HHIPL1: variants seen among roughly 807,000 people sequenced by gnomAD.
HHIPL1 encodes HHIP like 1, also known as HHIP-like protein 1.
In HHIPL1, 43 loss-of-function variants were observed where a neutral mutation model predicts 61.8. The ratio of observed to expected loss-of-function variants is 0.70; its 90% CI spans 0.55 to 0.90. HHIPL1 has a LOEUF of 0.90. Among genes scored for constraint, HHIPL1 ranks in the 40% least tolerant of loss-of-function variants. The pLI is 0.00. For missense variants in HHIPL1, 1,056 were observed against 1,157.7 expected (o/e 0.91, Z 1.28); for synonymous variants, 482 against 515.8 (o/e 0.93, Z 0.89).
intron 1 of HHIPL1, 103 bp downstream of exon 1, chr14:99,645,565 A>G (rs1159707536): frequency 8.6e-7 from 1 of 1,158,706 alleles, no homozygotes; most frequent in African/African-American, 1.6e-5. Context: ...TGGGCGGCGG[A>G]CTCGGGAACT....
chr14:99,630,922 T>A, the HHIPL1 span, among the ~76,000 whole-genome samples: 34 of 152,308 alleles, frequency 2.2e-4, no homozygotes, highest in African/African-American at 7.5e-4. Flanking sequence ...TTCCCCTGCA[T>A]GTGGCCTTCT....
upstream of HHIPL1, among the ~76,000 whole-genome samples, chr14:99,640,874 CTTCTTTTT>C: frequency 1.1e-5 from 1 of 93,972 alleles, no homozygotes; most frequent in African/African-American, 4.2e-5. Flanking sequence ...TTTACTTCTT[CTTCTTTTT>C]TTTTTTTTTT....
chr14:99,655,852 T>C (rs566791811), intron 2 of HHIPL1, among the ~76,000 whole-genome samples: 6 of 152,356 alleles, frequency 3.9e-5, no homozygotes, highest in Non-Finnish European at 8.8e-5. Context: ...CTTTGTGCTG[T>C]GGACTTTGCT....
chr14:99,643,640 G>A (rs574462189), upstream of HHIPL1, among the ~76,000 whole-genome samples: 1 of 152,310 alleles, frequency 6.6e-6, no homozygotes, highest in East Asian at 1.9e-4. Flanking sequence ...CGTGCCCTCC[G>A]ATTCCATCCT....
upstream of HHIPL1, chr14:99,645,040 C>T (rs1043114900): frequency 2.6e-4 from 137 of 520,960 alleles, no homozygotes; most frequent in Non-Finnish European, 3.8e-4. Context: ...TTCCTTCAGT[C>T]CCGCCGAGTG....
Position 99,680,503 on chromosome 14 carries a change from G to A in HHIPL1, c.*4877G>A, listed in dbSNP as rs944216405. On this transcript the variant is annotated 3_prime_UTR_variant, in exon 9 of 9. Coordinates refer to ENST00000330710, the MANE Select transcript of HHIPL1 (RefSeq NM_001127258.3). ...TGGTGCTATCCAATAGAAACATAAT[G>A]TGAGCCAAATAGGTAATTTAAAATC... 22 of 152,152 alleles carry A rather than the reference G, an allele frequency of 1.4e-4. No individual in the cohort carries two copies. Among genetic ancestry groups the A allele is most frequent in the Non-Finnish European group, 2.9e-4 (20 of 68,038 alleles). The allele number at this position is 152,152 out of a possible 1,614,324, so 9.4% of individuals were successfully genotyped here.
chr14:99,632,988 G>T, the HHIPL1 span, among the ~76,000 whole-genome samples: 15 of 130,510 alleles, frequency 1.1e-4, no homozygotes, highest in Admixed American at 1.1e-3. Flanking sequence ...ATGGAGCTGA[G>T]ACTCAGACCC....
At position 99,672,361 on chromosome 14, in the gene HHIPL1, A is replaced by G; in HGVS notation, c.1775A>G (p.Lys592Arg). 7.7e-6 allele frequency: 12 copies of G among 1,551,276 alleles called. No homozygotes were observed. The highest frequency in any genetic ancestry group is 1.0e-5 in the Non-Finnish European group (12 of 1,146,934). Residue 592 changes from lysine to arginine, a missense_variant, in exon 8 of 9, where the codon AAG becomes AGG. Transcript: ENST00000330710. ...TGTCAGATCCAGCCTGCTCAGGTGAAGATCAGAAGCCGTCTCATCCCCTTT... is the reference window on the plus strand; with the variant it reads ...TGTCAGATCCAGCCTGCTCAGGTGAGGATCAGAAGCCGTCTCATCCCCTTT... ...GKCQIQPAQV[K>R]IRSRLIPFVP...
intron 7 of HHIPL1, 139 bp from the exon 8 acceptor site, chr14:99,672,178 G>T: frequency 1.5e-6 from 1 of 653,686 alleles, no homozygotes; most frequent in East Asian, 2.8e-5. Context: ...CAGGGAAGCT[G>T]CAGGCCACAC....
chr14:99,668,765 A>G lies in HHIPL1; in HGVS notation c.1730+462A>G. ...GTGCCTGCCCTTCCTCCTGTGGTCC[A>G]TCTTCCACTGGGGAAAACACATTGG... is the stretch of plus-strand genomic sequence containing the variant. On this transcript the variant is annotated intron_variant, in intron 7 of 8. Coordinates refer to ENST00000330710, the MANE Select transcript of HHIPL1 (RefSeq NM_001127258.3). This position sits in a 1 kb window ranked among gnomAD's most constrained non-coding sequence, Gnocchi z 4.7. 2 of 1,571,966 alleles carry G rather than the reference A, an allele frequency of 1.3e-6. No homozygotes were observed. The highest frequency in any genetic ancestry group is 1.7e-5 in the Admixed American group (1 of 58,724).
chr14:99,661,468 T>C (rs7159011), intron 5 of HHIPL1, among the ~76,000 whole-genome samples: 25,420 of 105,746 alleles, frequency 0.24, 2,468 homozygotes, highest in East Asian at 0.38. Flanking sequence ...GCTTAATATA[T>C]GGTGATTTTT....
chr14:99,620,319 AC>A, the HHIPL1 span, among the ~76,000 whole-genome samples: 1 of 152,184 alleles, frequency 6.6e-6, no homozygotes, highest in Non-Finnish European at 1.5e-5. Flanking sequence ...CTTCCAGACA[AC>A]GAAGGGCTTC....
chr14:99,618,172 G>A, the HHIPL1 span, among the ~76,000 whole-genome samples: 1 of 152,174 alleles, frequency 6.6e-6, no homozygotes, highest in Non-Finnish European at 1.5e-5. Flanking sequence ...AGCAGGTGGG[G>A]GTTGCCCTAG....
Position 99,678,881 on chromosome 14 carries a change from CACTT to C in HHIPL1, c.*3258_*3261del, listed in dbSNP as rs1274798861. 2.6e-5 allele frequency: 4 copies of C among 152,218 alleles called. No homozygotes were observed. Among genetic ancestry groups the C allele is most frequent in the Non-Finnish European group, 4.4e-5 (3 of 68,042 alleles). 9.4% of individuals were successfully genotyped at this position (152,218 alleles called of 1,614,324 possible). A position where few individuals can be genotyped will look rare whatever the true frequency, so the allele number is the denominator to read the frequency against. On this transcript the variant is annotated 3_prime_UTR_variant, in exon 9 of 9. Coordinates refer to ENST00000330710, the MANE Select transcript of HHIPL1 (RefSeq NM_001127258.3). Reference sequence around the variant, plus strand: ...CTTTAAAAGAAACCATTATTTCTAACACTTACGATTTATTCTTTAACAAGAAGGG... The same window carrying C: ...CTTTAAAAGAAACCATTATTTCTAACACGATTTATTCTTTAACAAGAAGGG...
At chr14:99,667,123 A>G (rs1304321715) in intron 6 of HHIPL1, among the ~76,000 whole-genome samples, 1 of 151,448 alleles carries the variant, frequency 6.6e-6, no homozygotes, top group African/African-American at 2.5e-5. Flanking sequence ...GCTCTCTGCT[A>G]TCCTTTTACA....
At chr14:99,659,347 G>C in intron 3 of HHIPL1, 81 bp from the exon 4 acceptor site, 1 of 1,161,084 alleles carries the variant, frequency 8.6e-7, no homozygotes. Flanking sequence ...GTCAGCCGGC[G>C]CCCCAGCACC....
At chr14:99,608,183 G>A in the HHIPL1 span, among the ~76,000 whole-genome samples, 1 of 152,120 alleles carries the variant, frequency 6.6e-6, no homozygotes, top group African/African-American at 2.4e-5. Context: ...GGAACAGCAG[G>A]GTGGGGAAAG....
upstream of HHIPL1, among the ~76,000 whole-genome samples, chr14:99,644,944 C>A (rs2055803290): frequency 6.6e-6 from 1 of 152,170 alleles, no homozygotes; most frequent in African/African-American, 2.4e-5. Context: ...GGAAAACACA[C>A]CGGGGCTTTA....
chr14:99,628,793 C>T, the HHIPL1 span, among the ~76,000 whole-genome samples: 1 of 152,080 alleles, frequency 6.6e-6, no homozygotes, highest in East Asian at 1.9e-4. Context: ...GGCCTCAGCT[C>T]TCTTCCCCTC....
Sources: allele counts gnomAD v4.1 joint callset (sites outside exome capture counted in the v4.1 genomes callset), GRCh38; gene constraint gnomAD v4.1.1; non-coding constraint Gnocchi (gnomAD v3.1); transcripts MANE v1.5; gene names NCBI Gene and HGNC (gene_info 2026-07-23, HGNC 2026-07-21).